Variants in RYR2 observed in about 807,000 individuals in gnomAD.
RYR2 encodes the protein ryanodine receptor 2, also known as cardiac muscle ryanodine receptor-calcium release channel.
RYR2 carries 227 observed loss-of-function variants against 601.1 expected under a neutral mutation model. The ratio of observed to expected loss-of-function variants is 0.38; its 90% CI spans 0.34 to 0.42. The LOEUF is 0.42. RYR2 is among the 10% of genes least tolerant of loss of function. The pLI is 1.00. For missense variants in RYR2, 4,646 were observed against 6,156.5 expected, an observed-to-expected ratio of 0.75 and a Z score of 8.21; for synonymous variants, 2,223 against 2,175.1, an observed-to-expected ratio of 1.02 and a Z score of -0.61.
Position 237,211,974 on chromosome 1 carries a change from G to C in RYR2, c.49-58523G>C, listed in dbSNP as rs553469521. 5.9e-5 allele frequency among the ~76,000 whole-genome samples: 9 copies of C among 152,292 alleles called. No homozygotes were observed. The South Asian group carries it at 1.7e-3, about 28-fold the overall frequency. On this transcript the variant is annotated intron_variant, in intron 1 of 104. Transcript: ENST00000366574. ...AGAGAAGTTAAAATATTTGAAGTCAGATGTGCACAGAACAGCAAAGATACT... is the reference window on the plus strand; with the variant it reads ...AGAGAAGTTAAAATATTTGAAGTCACATGTGCACAGAACAGCAAAGATACT...
At chr1:237,311,920 G>A (rs1309995960) in intron 2 of RYR2, among the ~76,000 whole-genome samples, 1 of 152,144 alleles carries the variant, frequency 6.6e-6, no homozygotes, top group African/African-American at 2.4e-5. Flanking sequence ...ATGCTATATT[G>A]CAGTTCTATG....
chr1:237,141,844 T>C (rs1673427560), intron 1 of RYR2, among the ~76,000 whole-genome samples: 1 of 152,220 alleles, frequency 6.6e-6, no homozygotes, highest in East Asian at 1.9e-4. Flanking sequence ...CTGGGCACTA[T>C]GGCCTTGGTT....
intron 1 of RYR2, among the ~76,000 whole-genome samples, chr1:237,186,154 T>C (rs1679316254): frequency 6.6e-6 from 1 of 152,234 alleles, no homozygotes; most frequent in African/African-American, 2.4e-5. Context: ...GATATTGCCT[T>C]GCAGGGCTTT....
chr1:237,285,390 G>A (rs1050451361), intron 2 of RYR2, among the ~76,000 whole-genome samples: 1 of 152,004 alleles, frequency 6.6e-6, no homozygotes, highest in African/African-American at 2.4e-5. Flanking sequence ...ACTTTATCAT[G>A]GTAGATTATC....
intron 39 of RYR2, among the ~76,000 whole-genome samples, chr1:237,624,296 A>G (rs1679412931): frequency 6.6e-6 from 1 of 152,182 alleles, no homozygotes. Flanking sequence ...TGTATTGTGC[A>G]CTTAAAATTC....
At chr1:237,731,913 CA>C in intron 77 of RYR2, 132 bp from the exon 78 acceptor site, 1 of 608,140 alleles carries the variant, frequency 1.6e-6, no homozygotes, top group Non-Finnish European at 3.0e-6. Flanking sequence ...CACACACACA[CA>C]CACACCCCAC....
rs556269614 is a variant in RYR2, at chr1:237,631,613, A to ATTTTTT, written c.6555+99_6555+104dup. 213 of 208,570 alleles carry ATTTTTT rather than the reference A, an allele frequency of 1.0e-3. 26 individuals are homozygous for ATTTTTT. Among genetic ancestry groups the ATTTTTT allele is most frequent in the African/African-American group, 4.6e-3 (69 of 14,844 alleles). The allele number at this position is 208,570 out of a possible 1,614,324, so 12.9% of individuals were successfully genotyped here. ...GTATATAGATTGATATAGAATGCAG[A>ATTTTTT]TTTTTTTTTTTTTTTTTTTTTTTTT... On this transcript the variant is annotated intron_variant, in intron 42 of 104. Transcript: ENST00000366574.
chr1:237,129,253 A>C (rs1196183250), intron 1 of RYR2, among the ~76,000 whole-genome samples: 1 of 152,184 alleles, frequency 6.6e-6, no homozygotes, highest in African/African-American at 2.4e-5. Context: ...TTCCTTGAAA[A>C]TATAAGTCAG....
chr1:237,620,403 A>G (rs1678944529), intron 38 of RYR2, among the ~76,000 whole-genome samples: 1 of 152,190 alleles, frequency 6.6e-6, no homozygotes, highest in South Asian at 2.1e-4. Context: ...AATGCATAGC[A>G]TAGCAAGTCA....
At chr1:237,667,285 A>G (rs1684412196) in intron 57 of RYR2, among the ~76,000 whole-genome samples, 1 of 152,222 alleles carries the variant, frequency 6.6e-6, no homozygotes. Context: ...GACCGTAAAT[A>G]TAAAATTTAC....
At chr1:237,119,613 A>G (rs889323596) in intron 1 of RYR2, among the ~76,000 whole-genome samples, 1 of 152,162 alleles carries the variant, frequency 6.6e-6, no homozygotes, top group Non-Finnish European at 1.5e-5. Context: ...GGAGGATCAC[A>G]TCGGATGAAT....
chr1:237,345,467 T>TAAAAAAA (rs1332928390), intron 3 of RYR2, among the ~76,000 whole-genome samples: 2,347 of 143,866 alleles, frequency 0.016, 28 homozygotes, highest in Non-Finnish European at 0.026. Flanking sequence ...AAATAAAAAA[T>TAAAAAAA]AAAAAATAAA....
chr1:237,387,691 A>G (rs1475280323), intron 9 of RYR2, among the ~76,000 whole-genome samples: 2 of 152,132 alleles, frequency 1.3e-5, no homozygotes, highest in Non-Finnish European at 2.9e-5. Flanking sequence ...TGGTTGGACT[A>G]ATGTCAAGAT....
intron 29 of RYR2, 142 bp downstream of exon 29, chr1:237,569,461 T>C: frequency 1.4e-6 from 1 of 714,914 alleles, no homozygotes; most frequent in South Asian, 1.9e-5. Flanking sequence ...GCCTTGTGAC[T>C]GACTTGATCA....
In RYR2 at chr1:237,709,106, C is replaced by A; in HGVS notation, c.10142+8C>A. 1.3e-6 allele frequency: 2 copies of A among 1,550,192 alleles called. No homozygotes were observed. The highest frequency in any genetic ancestry group is 1.7e-6 in the Non-Finnish European group (2 of 1,150,328). The stretch of plus-strand genomic sequence containing the variant: ...ATTTGTGGACTATAACAGGTATGAT[C>A]AAAAGTAATTTAGTAATTTCTCCAA... On this transcript the variant is annotated splice_region_variant and intron_variant, in intron 69 of 104. Transcript: ENST00000366574.
chr1:237,389,405 T>A (rs1237909905), intron 10 of RYR2, among the ~76,000 whole-genome samples: 1 of 152,092 alleles, frequency 6.6e-6, no homozygotes, highest in Non-Finnish European at 1.5e-5. Context: ...TAGGAAGGGA[T>A]GTGGGGATCA....
intron 1 of RYR2, among the ~76,000 whole-genome samples, chr1:237,101,219 C>T (rs1233565515): frequency 1.3e-5 from 2 of 150,794 alleles, no homozygotes; most frequent in South Asian, 2.1e-4. Context: ...TTGGCTTTGG[C>T]CATTTTGTTC....
chr1:237,111,590 T>TA (rs71178394), intron 1 of RYR2, among the ~76,000 whole-genome samples: 2,034 of 119,920 alleles, frequency 0.017, 35 homozygotes, highest in African/African-American at 0.046. Context: ...TCCGTCTCTT[T>TA]AAAAAAAAAA....
Position 237,423,122 on chromosome 1 carries a change from G to C in RYR2, c.879G>C (p.Gln293His), listed in dbSNP as rs538758224. ...GTGGAAGCCACATAAGATGGGGACA[G>C]CCATTCCGACTACGCCATGTCACAA... ...AWSGSHIRWG[Q>H]PFRLRHVTTG... The change falls in exon 12 of 105, where the codon CAG (glutamine) becomes CAC (histidine). Residue 293 changes from glutamine (Q) to histidine (H), a missense_variant. Physicochemically the swap from Gln to His is conservative, Grantham distance 24. Around this residue, in one of 17 missense-constraint regions of RYR2, gnomAD observed 1,807 missense variants for 2,088.1 expected, o/e 0.87. Coordinates refer to ENST00000366574, the MANE Select transcript of RYR2 (RefSeq NM_001035.3). The C allele has an allele frequency of 2.5e-6, 4 of 1,613,760 alleles. No individual in the cohort carries two copies. In the South Asian group the frequency reaches 4.4e-5, roughly 18 times the overall value.
Sources: gnomAD v4.1 joint callset for allele counts (sites outside exome capture counted in the v4.1 genomes callset) on GRCh38, gnomAD v4.1.1 for gene constraint, gnomAD v4.1.1 regional missense constraint, MANE v1.5 for transcripts, NCBI Gene and HGNC (gene_info 2026-07-23, HGNC 2026-07-21) for gene names.